Variants in TMPRSS12 observed in about 807,000 individuals in gnomAD.
TMPRSS12 encodes transmembrane serine protease 12.
Under a neutral mutation model 26.0 loss-of-function variants are expected in TMPRSS12, and 25 were observed. That is an observed-to-expected ratio of 0.96 (90% CI 0.70 to 1.34). TMPRSS12 has a LOEUF of 1.34. Among genes scored for constraint, TMPRSS12 ranks in the 40% most tolerant of loss-of-function variants. The pLI is 0.00. For missense variants in TMPRSS12, 441 were observed against 440.1 expected (o/e 1.00, Z -0.02); for synonymous variants, 150 against 161.7 (o/e 0.93, Z 0.55).
intron 2 of TMPRSS12, among the ~76,000 whole-genome samples, chr12:50,852,970 C>T (rs1173145826): frequency 6.6e-6 from 1 of 152,134 alleles, no homozygotes; most frequent in Non-Finnish European, 1.5e-5. Flanking sequence ...TGACGCTTGA[C>T]AAAATGGACC....
intron 2 of TMPRSS12, among the ~76,000 whole-genome samples, chr12:50,856,029 A>G (rs989820165): frequency 6.6e-6 from 1 of 152,166 alleles, no homozygotes; most frequent in Non-Finnish European, 1.5e-5. Flanking sequence ...GGACATGAAG[A>G]AGGGAATAAC....
At chr12:50,853,878 C>T (rs924983205) in intron 2 of TMPRSS12, among the ~76,000 whole-genome samples, 1 of 152,080 alleles carries the variant, frequency 6.6e-6, no homozygotes, top group African/African-American at 2.4e-5. Flanking sequence ...GAAGGATTCA[C>T]AGTCAAATTC....
chr12:50,877,470 G>A (rs944600977), intron 3 of TMPRSS12, among the ~76,000 whole-genome samples: 1 of 152,150 alleles, frequency 6.6e-6, no homozygotes, highest in Non-Finnish European at 1.5e-5. Flanking sequence ...AATGCTTAAG[G>A]AATCTACAAA....
intron 2 of TMPRSS12, among the ~76,000 whole-genome samples, chr12:50,850,849 G>A (rs1478865183): frequency 6.6e-6 from 1 of 152,170 alleles, no homozygotes; most frequent in Non-Finnish European, 1.5e-5. Context: ...GTCTTCCAGT[G>A]CAGCAGATGC....
At chr12:50,882,739 A>G (rs1417260921) in intron 3 of TMPRSS12, among the ~76,000 whole-genome samples, 1 of 152,260 alleles carries the variant, frequency 6.6e-6, no homozygotes, top group Non-Finnish European at 1.5e-5. Context: ...GAAATCCTCT[A>G]TAGTCCTATA....
intron 2 of TMPRSS12, among the ~76,000 whole-genome samples, chr12:50,857,687 C>G (rs138373699): frequency 6.6e-6 from 1 of 152,196 alleles, no homozygotes; most frequent in Non-Finnish European, 1.5e-5. Context: ...TGGCCAAGAT[C>G]GATGAGTTGC....
chr12:50,879,913 G>C (rs1938148400), intron 3 of TMPRSS12, among the ~76,000 whole-genome samples: 1 of 152,034 alleles, frequency 6.6e-6, no homozygotes, highest in Non-Finnish European at 1.5e-5. Flanking sequence ...TGAGACTGTA[G>C]TAAACTGTGA....
At position 50,887,617 on chromosome 12, in the gene TMPRSS12, G is replaced by C. The variant is rs969733113; in HGVS notation, c.*104G>C. The C allele has an allele frequency of 1.1e-5, 16 of 1,406,338 alleles. No individual in the cohort carries two copies. The African/African-American group carries it at 1.9e-4, about 16-fold the overall frequency. 87.1% of individuals were successfully genotyped at this position (1,406,338 alleles called of 1,614,324 possible). ...TTCTAGCAATTAATTGCCTACATTA[G>C]AGATTTCATGTGAACATTTTATGGG... On this transcript the variant is annotated 3_prime_UTR_variant, in exon 5 of 5. Transcript: ENST00000398458.
chr12:50,845,467 C>G (rs1937759010), intron 2 of TMPRSS12, among the ~76,000 whole-genome samples: 1 of 152,188 alleles, frequency 6.6e-6, no homozygotes, highest in Non-Finnish European at 1.5e-5. Flanking sequence ...TCAGCAATCA[C>G]CATGTGCTGT....
rs1043842270 is a variant in TMPRSS12, at chr12:50,885,360, A to G, written c.767A>G (p.Asp256Gly). 6.2e-7 allele frequency: 1 copy of G among 1,613,714 alleles called. No individual in the cohort carries two copies. Among genetic ancestry groups the G allele is most frequent in the African/African-American group, 1.3e-5 (1 of 74,906 alleles). Residue 256 changes from aspartate to glycine, a missense_variant, in exon 4 of 5, where the codon GAT becomes GGT. Physicochemically the swap from Asp to Gly is moderately conservative, Grantham distance 94. Coordinates refer to ENST00000398458, the MANE Select transcript of TMPRSS12 (RefSeq NM_182559.3). ...IIPNTSFCAGDEDGAFDTCRG... is the reference protein window; with the variant it reads ...IIPNTSFCAGGEDGAFDTCRG... ...CCTAACACTTCATTTTGTGCAGGTGATGAAGATGGAGCTTTTGATACTTGC... is the reference window on the plus strand; with the variant it reads ...CCTAACACTTCATTTTGTGCAGGTGGTGAAGATGGAGCTTTTGATACTTGC...
At chr12:50,866,638 C>T (rs559213499) in intron 3 of TMPRSS12, among the ~76,000 whole-genome samples, 5 of 152,152 alleles carry the variant, frequency 3.3e-5, no homozygotes, top group African/African-American at 1.2e-4. Flanking sequence ...AGCTGATGCT[C>T]TCTGGAAAGC....
chr12:50,863,503 C>T (rs1937958481), intron 3 of TMPRSS12, among the ~76,000 whole-genome samples: 1 of 151,918 alleles, frequency 6.6e-6, no homozygotes, highest in Admixed American at 6.6e-5. Flanking sequence ...ATTTTAAAAG[C>T]CAAAAACTAA....
At chr12:50,885,603 C>A in intron 4 of TMPRSS12, 1 of 629,892 alleles carries the variant, frequency 1.6e-6, no homozygotes, top group Non-Finnish European at 2.8e-6. Flanking sequence ...ACCTTGAATT[C>A]TTTTTTTTAA....
chr12:50,871,396 G>A (rs1490819302), intron 3 of TMPRSS12, among the ~76,000 whole-genome samples: 4 of 152,184 alleles, frequency 2.6e-5, no homozygotes, highest in Non-Finnish European at 5.9e-5. Context: ...CAAGCCACAT[G>A]TAGGAGAATG....
At position 50,887,691 on chromosome 12, in the gene TMPRSS12, CAT is replaced by C. The variant is rs1207674272; in HGVS notation, c.*179_*180del. 8 of 640,772 alleles carry C rather than the reference CAT, an allele frequency of 1.2e-5. No individual in the cohort carries two copies. Among genetic ancestry groups the C allele is most frequent in the Non-Finnish European group, 2.0e-5 (8 of 394,716 alleles). 39.7% of individuals were successfully genotyped at this position (640,772 alleles called of 1,614,324 possible). A position where few individuals can be genotyped will look rare whatever the true frequency, so the allele number is the denominator to read the frequency against. ...CAATTGTAATTTTGGCACTGAATCA[CAT>C]GTCTCCTTGAAATATCTTGATTATT... On this transcript the variant is annotated 3_prime_UTR_variant, in exon 5 of 5. Transcript: ENST00000398458.
At chr12:50,851,015 C>T (rs560340856) in intron 2 of TMPRSS12, among the ~76,000 whole-genome samples, 2 of 152,234 alleles carry the variant, frequency 1.3e-5, no homozygotes, top group African/African-American at 4.8e-5. Context: ...ACAGTCAAAC[C>T]CTCAAGGGCA....
At chr12:50,871,553 A>G (rs1938042561) in intron 3 of TMPRSS12, among the ~76,000 whole-genome samples, 1 of 152,228 alleles carries the variant, frequency 6.6e-6, no homozygotes, top group South Asian at 2.1e-4. Flanking sequence ...TTCATGACCA[A>G]GAAGCCAAAA....
At chr12:50,876,220 G>A (rs1248036910) in intron 3 of TMPRSS12, among the ~76,000 whole-genome samples, 2 of 152,156 alleles carry the variant, frequency 1.3e-5, no homozygotes, top group Non-Finnish European at 2.9e-5. Flanking sequence ...ACACTAATCA[G>A]AATGGCTATT....
At chr12:50,871,662 A>T (rs1430716272) in intron 3 of TMPRSS12, among the ~76,000 whole-genome samples, 1 of 152,254 alleles carries the variant, frequency 6.6e-6, no homozygotes, top group East Asian at 1.9e-4. Context: ...CAACCCACAG[A>T]GTGAGAGAAA....
Sources: gnomAD v4.1 joint callset for allele counts (sites outside exome capture counted in the v4.1 genomes callset) on GRCh38, gnomAD v4.1.1 for gene constraint, MANE v1.5 for transcripts, NCBI Gene and HGNC (gene_info 2026-07-23, HGNC 2026-07-21) for gene names.